Variants in EYS observed in about 807,000 individuals in gnomAD.
EYS encodes the protein protein eyes shut homolog.
Under a neutral mutation model 282.1 loss-of-function variants are expected in EYS, and 250 were observed. The observed-to-expected ratio is 0.89, with a 90% CI of 0.80 to 0.98. The LOEUF is 0.98. EYS is among the 50% of genes least tolerant of loss of function. EYS has a pLI of 0.00. For missense variants in EYS, 4,016 were observed against 3,709.0 expected (o/e 1.08, Z -2.15); for synonymous variants, 1,355 against 1,282.9 (o/e 1.06, Z -1.20).
At chr6:64,550,053 G>A (rs931324012) in intron 26 of EYS, among the ~76,000 whole-genome samples, 4 of 152,088 alleles carry the variant, frequency 2.6e-5, no homozygotes, top group East Asian at 1.9e-4. Flanking sequence ...ATGTCCCCAC[G>A]AAGCACATGA....
intron 26 of EYS, among the ~76,000 whole-genome samples, chr6:64,537,209 C>T (rs1214847686): frequency 1.4e-5 from 2 of 138,982 alleles, no homozygotes; most frequent in African/African-American, 5.4e-5. Flanking sequence ...TTCCTGTGTC[C>T]ATGTGATCTC....
intron 22 of EYS, among the ~76,000 whole-genome samples, chr6:64,660,919 C>T (rs1466844840): frequency 3.3e-5 from 5 of 152,058 alleles, no homozygotes; most frequent in Non-Finnish European, 5.9e-5. Flanking sequence ...AAAATGAGCC[C>T]GCATTGCCAA....
chr6:64,062,020 C>T (rs550103968), intron 33 of EYS, among the ~76,000 whole-genome samples: 1 of 151,504 alleles, frequency 6.6e-6, no homozygotes, highest in East Asian at 1.9e-4. Context: ...TCAAGAAATA[C>T]TTTAATATTG....
At chr6:64,543,777 G>A (rs1764760791) in intron 26 of EYS, among the ~76,000 whole-genome samples, 1 of 152,114 alleles carries the variant, frequency 6.6e-6, no homozygotes, top group African/African-American at 2.4e-5. Flanking sequence ...CCTATCCTGT[G>A]ATGTGAGAAT....
chr6:64,013,744 A>G (rs1305319053), intron 33 of EYS, among the ~76,000 whole-genome samples: 2 of 152,088 alleles, frequency 1.3e-5, no homozygotes, highest in East Asian at 3.9e-4. Flanking sequence ...GCATTTAAGT[A>G]TTCACTTAGA....
chr6:64,344,573 C>A (rs546231168), intron 29 of EYS, among the ~76,000 whole-genome samples: 1 of 152,210 alleles, frequency 6.6e-6, no homozygotes, highest in Admixed American at 6.5e-5. Flanking sequence ...CTATCTATGA[C>A]AAACCCACAG....
At chr6:64,902,276 T>A in intron 17 of EYS, 56 bp from the exon 18 acceptor site, 2 of 1,362,954 alleles carry the variant, frequency 1.5e-6, no homozygotes, top group Non-Finnish European at 2.0e-6. Flanking sequence ...AATCAATGCT[T>A]CAACTAATTG....
intron 2 of EYS, among the ~76,000 whole-genome samples, chr6:65,618,573 C>T (rs1582526377): frequency 6.6e-6 from 1 of 152,280 alleles, no homozygotes; most frequent in South Asian, 2.1e-4. Context: ...TCCCATTTGT[C>T]AATTTTGGCT....
At chr6:64,151,317 T>TTATATA (rs61575285) in intron 31 of EYS, among the ~76,000 whole-genome samples, 1,479 of 51,970 alleles carry the variant, frequency 0.028, 17 homozygotes, top group Middle Eastern at 0.038. Flanking sequence ...GTGTGTATAT[T>TTATATA]TATATATATA....
chr6:65,246,055 C>T (rs12216460), intron 12 of EYS, among the ~76,000 whole-genome samples: 2 of 151,980 alleles, frequency 1.3e-5, no homozygotes, highest in Non-Finnish European at 2.9e-5. Context: ...CAATCAAATG[C>T]AAAATAGCAA....
intron 29 of EYS, among the ~76,000 whole-genome samples, chr6:64,311,562 C>A (rs1031946732): frequency 6.6e-6 from 1 of 152,076 alleles, no homozygotes; most frequent in Non-Finnish European, 1.5e-5. Context: ...ATAATAAAAA[C>A]AAAATTCTCG....
intron 36 of EYS, among the ~76,000 whole-genome samples, chr6:63,855,628 A>T (rs1193755465): frequency 6.6e-6 from 1 of 152,210 alleles, no homozygotes; most frequent in East Asian, 1.9e-4. Context: ...TGCTCTGCAG[A>T]TATGATGATG....
intron 2 of EYS, among the ~76,000 whole-genome samples, chr6:65,559,430 C>T (rs1768946925): frequency 6.6e-6 from 1 of 151,984 alleles, no homozygotes; most frequent in African/African-American, 2.4e-5. Flanking sequence ...TTTTTGGCTA[C>T]TCCCAATAGA....
chr6:64,836,736 G>A (rs1765394285), intron 19 of EYS, among the ~76,000 whole-genome samples: 1 of 151,580 alleles, frequency 6.6e-6, no homozygotes, highest in African/African-American at 2.4e-5. Context: ...GTAGAAAACG[G>A]CATAATTTAG....
At chr6:64,518,780 G>GCCCC (rs34658444) in intron 26 of EYS, among the ~76,000 whole-genome samples, 14 of 147,594 alleles carry the variant, frequency 9.5e-5, no homozygotes, top group Admixed American at 2.7e-4. Flanking sequence ...TTTATAAGGG[G>GCCCC]CCCCCCCCTT....
At chr6:64,842,204 AGG>A (rs1765582652) in intron 19 of EYS, among the ~76,000 whole-genome samples, 1 of 151,728 alleles carries the variant, frequency 6.6e-6, no homozygotes, top group South Asian at 2.1e-4. Context: ...AATTTACATA[AGG>A]TCTGGAACAA....
At chr6:64,041,694 T>C (rs1770398299) in intron 33 of EYS, among the ~76,000 whole-genome samples, 1 of 152,192 alleles carries the variant, frequency 6.6e-6, no homozygotes, top group Non-Finnish European at 1.5e-5. Flanking sequence ...GGGATGGAAA[T>C]TGGAGAAACT....
intron 35 of EYS, among the ~76,000 whole-genome samples, chr6:63,879,181 C>T (rs79430301): frequency 6.6e-6 from 1 of 151,974 alleles, no homozygotes; most frequent in East Asian, 1.9e-4. Context: ...ATTCTTGAAA[C>T]TGAAGAATAT....
chr6:64,047,065 T>C (rs922213398), intron 33 of EYS, among the ~76,000 whole-genome samples: 7 of 152,098 alleles, frequency 4.6e-5, no homozygotes, highest in African/African-American at 1.2e-4. Flanking sequence ...TGACTTTTTT[T>C]CCCCCTCTCA....
Sources: allele counts gnomAD v4.1 joint callset (sites outside exome capture counted in the v4.1 genomes callset), GRCh38; gene constraint gnomAD v4.1.1; transcripts MANE v1.5; gene names NCBI Gene and HGNC (gene_info 2026-07-23, HGNC 2026-07-21).